Variants in ZNF804B observed in about 807,000 individuals in gnomAD.
ZNF804B encodes the protein zinc finger 804B.
Under a neutral mutation model 101.4 loss-of-function variants are expected in ZNF804B, and 80 were observed. The observed-to-expected ratio is 0.79, with a 90% CI of 0.66 to 0.95. The LOEUF is 0.95. Ranked by LOEUF, ZNF804B falls within the 40% of genes least tolerant of loss-of-function variation. ZNF804B has a pLI of 0.00. For synonymous variants in ZNF804B, 622 were observed against 558.8 expected (o/e 1.11, Z -1.59); for missense variants, 1,673 against 1,561.9 (o/e 1.07, Z -1.20).
chr7:88,905,052 T>C (rs924941595), intron 1 of ZNF804B, among the ~76,000 whole-genome samples: 1 of 152,194 alleles, frequency 6.6e-6, no homozygotes, highest in Admixed American at 6.5e-5. Flanking sequence ...GTTTCCAACT[T>C]TTGCCTGTTT....
rs2116004547 is a variant in ZNF804B at position 89,335,002 on chromosome 7, A to C, written c.2020A>C (p.Ser674Arg). 6.2e-7 allele frequency: 1 copy of C among 1,613,904 alleles called. No individual in the cohort carries two copies. Among genetic ancestry groups the C allele is most frequent in the East Asian group, 2.2e-5 (1 of 44,854 alleles). Residue 674 changes from serine to arginine, a missense_variant, in exon 4 of 4, where the codon AGT becomes CGT. Coordinates refer to ENST00000333190, the MANE Select transcript of ZNF804B (RefSeq NM_181646.5). ...GGHSDHGKDF[S>R]VILKSNHISM... ...TCACAGTGACCATGGGAAAGACTTC[A>C]GTGTAATTTTGAAGAGTAACCACAT...
chr7:88,989,555 A>G (rs1055489345), intron 1 of ZNF804B, among the ~76,000 whole-genome samples: 3 of 152,106 alleles, frequency 2.0e-5, no homozygotes, highest in Admixed American at 1.3e-4. Flanking sequence ...GCTCAGGCTT[A>G]GAGTTTCTAC....
intron 2 of ZNF804B, among the ~76,000 whole-genome samples, chr7:89,236,488 A>T (rs962861202): frequency 1.3e-5 from 2 of 152,146 alleles, no homozygotes; most frequent in Non-Finnish European, 2.9e-5. Context: ...ATATATAGAG[A>T]AAAGAAATAA....
chr7:88,764,401 G>A (rs945535888), intron 1 of ZNF804B, among the ~76,000 whole-genome samples: 1 of 152,076 alleles, frequency 6.6e-6, no homozygotes, highest in African/African-American at 2.4e-5. Context: ...AGGAAATTTT[G>A]GGGATTGTCA....
In ZNF804B at chr7:88,991,334, G is replaced by A. The variant is rs1268329405; in HGVS notation, c.109-226821G>A. Among the ~76,000 whole-genome samples, 6 of 152,062 alleles carry A rather than the reference G, an allele frequency of 3.9e-5. 1 individual carries two copies. The highest frequency in any genetic ancestry group is 2.0e-4 in the Admixed American group (3 of 15,260). ...GGTACAAGCCTGCAATGTGAACATAGCCCGTCAGGTTGTGGTTCCTGTGTA... is the reference window on the plus strand; with the variant it reads ...GGTACAAGCCTGCAATGTGAACATAACCCGTCAGGTTGTGGTTCCTGTGTA... On this transcript the variant is annotated intron_variant, in intron 1 of 3. Coordinates refer to ENST00000333190, the MANE Select transcript of ZNF804B (RefSeq NM_181646.5).
chr7:89,318,892 A>G (rs897126402), intron 2 of ZNF804B, among the ~76,000 whole-genome samples: 4 of 151,860 alleles, frequency 2.6e-5, no homozygotes, highest in South Asian at 2.1e-4. Flanking sequence ...AGCCCCGAAC[A>G]GAGATTTACC....
chr7:89,021,090 C>T (rs1475418127), intron 1 of ZNF804B, among the ~76,000 whole-genome samples: 1 of 152,004 alleles, frequency 6.6e-6, no homozygotes, highest in Non-Finnish European at 1.5e-5. Context: ...TCATCTTTTC[C>T]AGTTTTATGG....
At chr7:89,099,890 G>A (rs1320687778) in intron 1 of ZNF804B, among the ~76,000 whole-genome samples, 1 of 152,140 alleles carries the variant, frequency 6.6e-6, no homozygotes, top group East Asian at 1.9e-4. Context: ...GTGACTTCAT[G>A]TTGATACCCA....
intron 1 of ZNF804B, among the ~76,000 whole-genome samples, chr7:88,877,029 A>ATATATATATATATATAT (rs1562820441): frequency 2.8e-5 from 1 of 35,888 alleles, no homozygotes; most frequent in African/African-American, 1.5e-4. Context: ...TATATATAAT[A>ATATATATATATATATAT]TATATATATA....
At chr7:89,236,507 G>A (rs74356783) in intron 2 of ZNF804B, among the ~76,000 whole-genome samples, 6,618 of 152,048 alleles carry the variant, frequency 0.044, 447 homozygotes, top group African/African-American at 0.15. Context: ...AATTCTCAAG[G>A]CAATTAAAAT....
At chr7:89,000,843 T>C (rs1788274813) in intron 1 of ZNF804B, among the ~76,000 whole-genome samples, 1 of 150,194 alleles carries the variant, frequency 6.7e-6, no homozygotes. Context: ...ATATATGACA[T>C]TTATATATAT....
intron 1 of ZNF804B, among the ~76,000 whole-genome samples, chr7:89,204,196 T>C (rs1394426060): frequency 6.6e-6 from 1 of 152,222 alleles, no homozygotes. Flanking sequence ...TGTCAGATGC[T>C]ATTAATTGCA....
rs147329476 is a variant in ZNF804B at position 89,223,794 on chromosome 7, A to G, written c.249+5499A>G. The stretch of plus-strand genomic sequence containing the variant: ...CAGTGAGGAAAAATAATGAATTTCT[A>G]GCTTTGACAAGCCACTCTATATATA... On this transcript the variant is annotated intron_variant, in intron 2 of 3. Transcript: ENST00000333190. 4.1e-4 allele frequency among the ~76,000 whole-genome samples: 62 copies of G among 151,988 alleles called. 2 individuals are homozygous for G. The East Asian group carries it at 0.012, about 29-fold the overall frequency.
intron 1 of ZNF804B, among the ~76,000 whole-genome samples, chr7:89,192,188 G>A (rs1487188573): frequency 1.3e-5 from 2 of 152,136 alleles, no homozygotes; most frequent in African/African-American, 2.4e-5. Context: ...ATGCATCCAT[G>A]CATCACTAAA....
intron 2 of ZNF804B, among the ~76,000 whole-genome samples, chr7:89,236,955 G>A (rs1271167415): frequency 1.3e-5 from 2 of 152,032 alleles, no homozygotes; most frequent in South Asian, 2.1e-4. Context: ...TGACATGAAG[G>A]TAGTATGGAA....
chr7:88,804,730 G>A (rs1204366558), intron 1 of ZNF804B, among the ~76,000 whole-genome samples: 2 of 152,046 alleles, frequency 1.3e-5, no homozygotes, highest in African/African-American at 4.8e-5. Context: ...ATGCTAAAAT[G>A]TGTTATCGAT....
At chr7:88,976,329 A>G (rs1034741133) in intron 1 of ZNF804B, among the ~76,000 whole-genome samples, 2 of 151,330 alleles carry the variant, frequency 1.3e-5, no homozygotes, top group African/African-American at 2.4e-5. Flanking sequence ...GAATTTGTAG[A>G]TTTCTTTGGT....
chr7:89,099,529 A>G (rs1368079538), intron 1 of ZNF804B, among the ~76,000 whole-genome samples: 1 of 152,152 alleles, frequency 6.6e-6, no homozygotes, highest in Non-Finnish European at 1.5e-5. Context: ...AATGTGACAA[A>G]CAAGAGGAGT....
chr7:88,898,000 A>G (rs1241614920), intron 1 of ZNF804B, among the ~76,000 whole-genome samples: 3 of 150,474 alleles, frequency 2.0e-5, no homozygotes, highest in Admixed American at 6.6e-5. Context: ...CTTTTAAACC[A>G]GAAATGTCCA....
Sources: gnomAD v4.1 joint callset for allele counts (sites outside exome capture counted in the v4.1 genomes callset) on GRCh38, gnomAD v4.1.1 for gene constraint, MANE v1.5 for transcripts, NCBI Gene and HGNC (gene_info 2026-07-23, HGNC 2026-07-21) for gene names.